Variants in INO80E observed in about 807,000 individuals in gnomAD.
The protein encoded by INO80E is INO80 complex subunit E, also known as coiled-coil domain containing 95.
Under a neutral mutation model 27.3 loss-of-function variants are expected in INO80E, and 20 were observed. That is an observed-to-expected ratio of 0.73 (90% CI 0.51 to 1.06). The LOEUF is 1.06. Among genes scored for constraint, INO80E ranks in the 50% least tolerant of loss-of-function variants. INO80E has a pLI of 0.00. For synonymous variants in INO80E, 167 were observed against 145.9 expected (o/e 1.14, Z -1.04); for missense variants, 357 against 322.8 (o/e 1.11, Z -0.81).
rs149544726 is a variant in INO80E at position 30,000,954 on chromosome 16, G to T, written c.310G>T (p.Ala104Ser). ...GAAGAGAAGCCCTCCGCTGGGGGGC[G>T]CCCCCTCTCCCTCCAGCCTCTCCCT... Reference protein sequence around the residue: ...KRKRSPPLGGAPSPSSLSLPP... With the variant: ...KRKRSPPLGGSPSPSSLSLPP... Residue 104 changes from alanine to serine, a missense_variant, in exon 5 of 7, where the codon GCC (alanine) becomes TCC (serine). By Grantham distance (99) the Ala-to-Ser change is moderately conservative. Transcript: ENST00000563197. The T allele has an allele frequency of 1.3e-3, 1,990 of 1,580,752 alleles. 2 individuals are homozygous for T. Among genetic ancestry groups the T allele is most frequent in the Non-Finnish European group, 1.6e-3 (1,807 of 1,159,970 alleles).
Position 30,003,435 on chromosome 16 carries a change from G to C in INO80E, c.514-1786G>C, listed in dbSNP as rs2070420060. On this transcript the variant is annotated intron_variant, in intron 6 of 6. Transcript: ENST00000563197. The surrounding 1 kb of genome is among the most constrained non-coding windows in gnomAD (Gnocchi z 4.4). ...AGTGGGAATTTGTCTGTTACTGTCA[G>C]GGGAGCGGGAGTCCCTGAAGGGCCA... 1 of 152,186 alleles carries C rather than the reference G, an allele frequency of 6.6e-6. No homozygotes were observed. Among genetic ancestry groups the C allele is most frequent in the African/African-American group, 2.4e-5 (1 of 41,358 alleles). 9.4% of individuals were successfully genotyped at this position (152,186 alleles called of 1,614,324 possible).
rs1596690931 is a variant in INO80E at position 30,005,638 on chromosome 16, C to T, written c.*196C>T. 6.6e-6 allele frequency: 4 copies of T among 607,982 alleles called. No individual in the cohort carries two copies. The highest frequency in any genetic ancestry group is 5.7e-5 in the African/African-American group (3 of 52,256). 37.7% of individuals were successfully genotyped at this position (607,982 alleles called of 1,614,324 possible). ...AGGGGCCCTGCCTTCAAACCCCGGC[C>T]CCCTCCAGGGGACAGTTATTTAAAC... On this transcript the variant is annotated 3_prime_UTR_variant, in exon 7 of 7. Coordinates refer to ENST00000563197, the MANE Select transcript of INO80E (RefSeq NM_173618.3).
At chr16:29,997,809 G>C (rs902972890) in intron 3 of INO80E, among the ~76,000 whole-genome samples, 2 of 150,732 alleles carry the variant, frequency 1.3e-5, no homozygotes, top group Non-Finnish European at 2.9e-5. Context: ...CAGGCAGCAG[G>C]CAACCTCTGA....
chr16:29,998,854 G>A (rs2070237469), intron 3 of INO80E, among the ~76,000 whole-genome samples: 1 of 152,174 alleles, frequency 6.6e-6, no homozygotes, highest in Non-Finnish European at 1.5e-5. Context: ...GACCGTCCTG[G>A]CTAACATGGT....
At position 30,005,651 on chromosome 16, in the gene INO80E, C is replaced by T. The variant is rs944840895; in HGVS notation, c.*209C>T. The T allele has an allele frequency of 4.3e-5, 25 of 586,468 alleles. No homozygotes were observed. Among genetic ancestry groups the T allele is most frequent in the African/African-American group, 3.5e-4 (18 of 51,956 alleles). The allele number at this position is 586,468 out of a possible 1,614,324, so 36.3% of individuals were successfully genotyped here. A position where few individuals can be genotyped will look rare whatever the true frequency, so the allele number is the denominator to read the frequency against. ...TCAAACCCCGGCCCCCTCCAGGGGA[C>T]AGTTATTTAAACGAGTGGCCGGGAG... is the stretch of plus-strand genomic sequence containing the variant. On this transcript the variant is annotated 3_prime_UTR_variant, in exon 7 of 7. Coordinates refer to ENST00000563197, the MANE Select transcript of INO80E (RefSeq NM_173618.3).
chr16:30,001,376 A>T (rs1596674658), intron 5 of INO80E, 38 bp from the exon 6 acceptor site: 1 of 1,549,358 alleles, frequency 6.5e-7, no homozygotes, highest in Non-Finnish European at 8.7e-7. Context: ...ACCCCGGTCC[A>T]TTCCGCCTCC....
In INO80E at chr16:30,005,779, G is replaced by A. The variant is rs1324724244; in HGVS notation, c.*337G>A. 4.2e-6 allele frequency: 2 copies of A among 471,532 alleles called. No homozygotes were observed. The highest frequency in any genetic ancestry group is 4.1e-5 in the Admixed American group (1 of 24,404). The allele number at this position is 471,532 out of a possible 1,614,324, so 29.2% of individuals were successfully genotyped here. The stretch of plus-strand genomic sequence containing the variant: ...TTTCAATGAAGTTTCTGTATTAAAG[G>A]AGTGGCTCTGGGTTTGTTTTTTGTC... On this transcript the variant is annotated 3_prime_UTR_variant, in exon 7 of 7. Transcript: ENST00000563197.
At chr16:30,001,259 CTGCTGCTGCCCGGCCCTTCTGT>C in intron 5 of INO80E, 133 bp from the exon 6 acceptor site, 1 of 1,490,466 alleles carries the variant, frequency 6.7e-7, no homozygotes. Flanking sequence ...GGACAGCATC[CTGCTGCTGCCCGGCCCTTCTGT>C]GCTCGGGAGC....
At position 30,005,362 on chromosome 16, in the gene INO80E, C is replaced by T. The variant is rs1339672967; in HGVS notation, c.655C>T (p.Arg219Trp). The T allele has an allele frequency of 1.4e-6, 2 of 1,438,252 alleles. No homozygotes were observed. Among genetic ancestry groups the T allele is most frequent in the Non-Finnish European group, 1.9e-6 (2 of 1,078,980 alleles). 89.1% of individuals were successfully genotyped at this position (1,438,252 alleles called of 1,614,324 possible). A position where few individuals can be genotyped will look rare whatever the true frequency, so the allele number is the denominator to read the frequency against. ...CCCCACGATCCTGAGCACGGTCCCT[C>T]GGCAGATGTTCAGCGATGCAGGTAG... ...PPPTILSTVP[R>W]QMFSDAGSGD... Residue 219 changes from arginine (R) to tryptophan (W), a missense_variant, in exon 7 of 7, where the codon CGG becomes TGG. Coordinates refer to ENST00000563197, the MANE Select transcript of INO80E (RefSeq NM_173618.3).
At chr16:29,997,354 T>G (rs968256086) in intron 3 of INO80E, among the ~76,000 whole-genome samples, 6 of 152,188 alleles carry the variant, frequency 3.9e-5, no homozygotes, top group Non-Finnish European at 8.8e-5. Context: ...TACATGAGTA[T>G]GGCTATGTTT....
rs771968022 is a variant in INO80E at position 30,005,296 on chromosome 16, G to A, written c.589G>A (p.Gly197Arg). The part of the protein sequence containing the change: ...FPGRGSGAGV[G>R]TTLTPLPPPK... ...TGGCCGGGGTTCTGGGGCTGGGGTCGGGACAACCCTGACCCCCCTCCCACC... is the reference window on the plus strand; with the variant it reads ...TGGCCGGGGTTCTGGGGCTGGGGTCAGGACAACCCTGACCCCCCTCCCACC... The change falls in exon 7 of 7, where the codon GGG becomes AGG. Residue 197 changes from glycine to arginine, a missense_variant. Coordinates refer to ENST00000563197, the MANE Select transcript of INO80E (RefSeq NM_173618.3). 9.5e-5 allele frequency: 141 copies of A among 1,487,932 alleles called. No homozygotes were observed. The highest frequency in any genetic ancestry group is 1.5e-4 in the Admixed American group (6 of 39,592). 92.2% of individuals were successfully genotyped at this position (1,487,932 alleles called of 1,614,324 possible).
At chr16:29,998,668 A>G (rs981439807) in intron 3 of INO80E, among the ~76,000 whole-genome samples, 1 of 152,106 alleles carries the variant, frequency 6.6e-6, no homozygotes, top group African/African-American at 2.4e-5. Flanking sequence ...AAAAAGCCCT[A>G]AGGTAGGCAT....
At position 30,003,930 on chromosome 16, in the gene INO80E, C is replaced by A. The variant is rs2070443920; in HGVS notation, c.514-1291C>A. On this transcript the variant is annotated intron_variant, in intron 6 of 6. Coordinates refer to ENST00000563197, the MANE Select transcript of INO80E (RefSeq NM_173618.3). This position sits in a 1 kb window ranked among gnomAD's most constrained non-coding sequence, Gnocchi z 4.4. Reference sequence around the variant, plus strand: ...TGGGGGTGCTGTTCAGAGTTGGACCCCCCATCATCCATCCTGCCAGCCTCC... The same window carrying A: ...TGGGGGTGCTGTTCAGAGTTGGACCACCCATCATCCATCCTGCCAGCCTCC... 6.6e-6 allele frequency: 1 copy of A among 152,354 alleles called. No individual in the cohort carries two copies. Among genetic ancestry groups the A allele is most frequent in the East Asian group, 1.9e-4 (1 of 5,198 alleles). 9.4% of individuals were successfully genotyped at this position (152,354 alleles called of 1,614,324 possible).
At chr16:30,001,357 C>T (rs2070345049) in intron 5 of INO80E, 57 bp from the exon 6 acceptor site, 1 of 1,526,604 alleles carries the variant, frequency 6.6e-7, no homozygotes, top group Admixed American at 2.1e-5. Flanking sequence ...CATTTCTTCC[C>T]CCACCCTCAC....
At chr16:29,997,755 A>AG (rs1262549695) in intron 3 of INO80E, among the ~76,000 whole-genome samples, 3 of 142,770 alleles carry the variant, frequency 2.1e-5, no homozygotes, top group East Asian at 2.0e-4. Flanking sequence ...ACTCCGTCTC[A>AG]AAAAAAAAAA....
Position 29,996,574 on chromosome 16 carries a change from AG to A in INO80E, c.111del (p.Ala39ArgfsTer6). ...GCACGAGTGCTTCCAGGAGGAGCTG[AG>A]GAAAGCGCAAAGGAAATTACTGAAG... ...YEHECFQEEL[R>X]KAQRKLLKVS... On this transcript the variant is annotated frameshift_variant, in exon 2 of 7. Coordinates refer to ENST00000563197, the MANE Select transcript of INO80E (RefSeq NM_173618.3). LOFTEE classifies it high-confidence loss of function. The A allele has an allele frequency of 6.4e-7, 1 of 1,573,392 alleles. No individual in the cohort carries two copies. The highest frequency in any genetic ancestry group is 8.6e-7 in the Non-Finnish European group (1 of 1,159,476).
chr16:30,005,252 G>T lies in INO80E; in HGVS notation c.545G>T (p.Gly182Val). 6.8e-7 allele frequency: 1 copy of T among 1,470,520 alleles called. No individual in the cohort carries two copies. The highest frequency in any genetic ancestry group is 2.8e-5 in the East Asian group (1 of 35,548). The allele number at this position is 1,470,520 out of a possible 1,614,324, so 91.1% of individuals were successfully genotyped here. Reference sequence around the variant, plus strand: ...GTGGGACCCCCCGACTGCCCTGTGGGAGGGCCGCTGACCTTCCCTGGCCGG... The same window carrying T: ...GTGGGACCCCCCGACTGCCCTGTGGTAGGGCCGCTGACCTTCCCTGGCCGG... ...MAVGPPDCPV[G>V]GPLTFPGRGS... Residue 182 changes from glycine (G) to valine (V), a missense_variant, in exon 7 of 7, where the codon GGA (glycine) becomes GTA (valine). Transcript: ENST00000563197.
At position 30,005,697 on chromosome 16, in the gene INO80E, G is replaced by T; in HGVS notation, c.*255G>T. On this transcript the variant is annotated 3_prime_UTR_variant, in exon 7 of 7. Coordinates refer to ENST00000563197, the MANE Select transcript of INO80E (RefSeq NM_173618.3). The stretch of plus-strand genomic sequence containing the variant: ...GGGAGCATCTGCCACCTGCTGGGGA[G>T]GCAGAGACCCTGCAATGGCCACCTC... The T allele has an allele frequency of 1.8e-6, 1 of 547,460 alleles. No individual in the cohort carries two copies. Among genetic ancestry groups the T allele is most frequent in the South Asian group, 2.4e-5 (1 of 41,790 alleles). The allele number at this position is 547,460 out of a possible 1,614,324, so 33.9% of individuals were successfully genotyped here.
intron 5 of INO80E, 111 bp downstream of exon 5, chr16:30,001,151 G>A (rs2070335759): frequency 1.4e-6 from 2 of 1,472,330 alleles, no homozygotes; most frequent in South Asian, 2.8e-5. Flanking sequence ...ATCTGTCTGG[G>A]TGTGGCCCAA....
Sources: allele counts gnomAD v4.1 joint callset (sites outside exome capture counted in the v4.1 genomes callset), GRCh38; gene constraint gnomAD v4.1.1; non-coding constraint Gnocchi (gnomAD v3.1); transcripts MANE v1.5; gene names NCBI Gene and HGNC (gene_info 2026-07-23, HGNC 2026-07-21).